Variants in REEP5 observed in about 807,000 individuals in gnomAD.
REEP5 encodes receptor expression-enhancing protein 5.
A neutral mutation model predicts 22.4 loss-of-function variants in REEP5; 24 were observed. The observed-to-expected ratio is 1.07, with a 90% CI of 0.78 to 1.51. The LOEUF (loss-of-function observed/expected upper bound fraction) is 1.51. Among genes scored for constraint, REEP5 ranks in the 40% most tolerant of loss-of-function variants. The pLI, the probability that REEP5 is intolerant of heterozygous loss-of-function variation, is 0.00. For synonymous variants in REEP5, 103 were observed against 88.6 expected (o/e 1.16, Z -0.92); for missense variants, 252 against 233.0 (o/e 1.08, Z -0.53).
chr5:112,877,223 A>ATATC lies in REEP5; in HGVS notation c.*1559_*1562dup, dbSNP rs1222202329. ...AGAGTGATACTGTCACTTAGTATTG[A>ATATC]TATCTTTAATATTTTTTACATCATG... On this transcript the variant is annotated 3_prime_UTR_variant, in exon 5 of 5. Coordinates refer to ENST00000379638, the MANE Select transcript of REEP5 (RefSeq NM_005669.5). 14 of 152,246 alleles carry ATATC rather than the reference A, an allele frequency of 9.2e-5. No individual in the cohort carries two copies. The South Asian group carries it at 2.9e-3, about 32-fold the overall frequency. 9.4% of individuals were successfully genotyped at this position (152,246 alleles called of 1,614,324 possible). A position where few individuals can be genotyped will look rare whatever the true frequency, so the allele number is the denominator to read the frequency against.
At chr5:112,883,817 T>C (rs1400285166) in intron 4 of REEP5, among the ~76,000 whole-genome samples, 3 of 152,128 alleles carry the variant, frequency 2.0e-5, no homozygotes, top group Non-Finnish European at 4.4e-5. Context: ...AAACCTGTTC[T>C]ACCCAGTCTT....
chr5:112,905,402 G>A (rs956565518), intron 2 of REEP5, among the ~76,000 whole-genome samples: 57 of 151,978 alleles, frequency 3.8e-4, no homozygotes, highest in African/African-American at 1.1e-3. Flanking sequence ...TTAGCCGGGC[G>A]TGGTGGCACA....
intron 3 of REEP5, chr5:112,892,542 G>A: frequency 6.2e-7 from 1 of 1,614,210 alleles, no homozygotes; most frequent in Non-Finnish European, 8.5e-7. Context: ...CAGGACGACA[G>A]CTGCAATGTG....
rs776454900 is a variant in REEP5 at position 112,891,806 on chromosome 5, CTT to C, written c.352-4625_352-4624del. The C allele has an allele frequency of 3.1e-6, 5 of 1,601,426 alleles. No homozygotes were observed. In the Admixed American group the frequency reaches 6.7e-5, roughly 21 times the overall value. ...CTCTCACAGGAGGAGGAAGAGGACA[CTT>C]TTATTGAAGAACAACAACTAGAAGA... On this transcript the variant is annotated intron_variant, in intron 3 of 4. Coordinates refer to ENST00000379638, the MANE Select transcript of REEP5 (RefSeq NM_005669.5).
chr5:112,910,601 C>G (rs765700743), intron 2 of REEP5, among the ~76,000 whole-genome samples: 1 of 152,138 alleles, frequency 6.6e-6, no homozygotes. Context: ...ATCTAGATAC[C>G]ATATATATGC....
At chr5:112,914,526 T>C (rs969640377) in intron 2 of REEP5, among the ~76,000 whole-genome samples, 4 of 152,210 alleles carry the variant, frequency 2.6e-5, no homozygotes, top group African/African-American at 9.6e-5. Context: ...GAATGATTGA[T>C]GGTAAAAAAG....
intron 2 of REEP5, among the ~76,000 whole-genome samples, chr5:112,913,416 AAAG>A (rs1221396760): frequency 3.3e-5 from 5 of 151,474 alleles, no homozygotes; most frequent in African/African-American, 9.7e-5. Context: ...AAAGAAAAGA[AAAG>A]AAAAAAGATT....
chr5:112,890,252 T>C (rs1206670618), intron 3 of REEP5, among the ~76,000 whole-genome samples: 1 of 150,320 alleles, frequency 6.7e-6, no homozygotes, highest in East Asian at 2.0e-4. Context: ...ATACCATCAC[T>C]GCAATCCAGG....
chr5:112,912,100 G>C (rs1412964960), intron 2 of REEP5, among the ~76,000 whole-genome samples: 1 of 152,028 alleles, frequency 6.6e-6, no homozygotes. Flanking sequence ...CTAAACGTTT[G>C]ACATATATTA....
In REEP5 at chr5:112,922,177, A is replaced by G. The variant is rs780984444; in HGVS notation, c.14T>C (p.Met5Thr). Reference sequence around the variant, plus strand: ...CAGGAACCGGTCGAACCTCTCCCTCATGGCCGCAGACATGGCGGGGACCGT... The same window carrying G: ...CAGGAACCGGTCGAACCTCTCCCTCGTGGCCGCAGACATGGCGGGGACCGT... MSAAMRERFDRFLHE... is the reference protein window; with the variant it reads MSAATRERFDRFLHE... The change falls in exon 1 of 5, where the codon ATG (methionine) becomes ACG (threonine). Residue 5 changes from methionine to threonine, a missense_variant. By Grantham distance (81) the Met-to-Thr change is moderately conservative (BLOSUM62 -1). Transcript: ENST00000379638. 5.6e-6 allele frequency: 9 copies of G among 1,604,268 alleles called. No homozygotes were observed. The highest frequency in any genetic ancestry group is 7.7e-6 in the Non-Finnish European group (9 of 1,175,384).
intron 2 of REEP5, among the ~76,000 whole-genome samples, chr5:112,920,904 T>G (rs929077523): frequency 6.6e-6 from 1 of 152,234 alleles, no homozygotes; most frequent in African/African-American, 2.4e-5. Context: ...AGCGCTTTCC[T>G]GTTAGTGTGC....
chr5:112,892,550 G>C, intron 3 of REEP5: 1 of 1,614,212 alleles, frequency 6.2e-7, no homozygotes, highest in Non-Finnish European at 8.5e-7. Context: ...CAGCTGCAAT[G>C]TGAATTCTGC....
intron 4 of REEP5, among the ~76,000 whole-genome samples, 199 bp from the exon 5 acceptor site, chr5:112,879,034 C>T (rs1372654902): frequency 6.6e-6 from 1 of 151,940 alleles, no homozygotes; most frequent in African/African-American, 2.4e-5. Flanking sequence ...GAGCACAAAT[C>T]CTAAATACTT....
intron 4 of REEP5, among the ~76,000 whole-genome samples, chr5:112,880,054 C>T (rs954176800): frequency 6.6e-6 from 1 of 152,084 alleles, no homozygotes; most frequent in Non-Finnish European, 1.5e-5. Flanking sequence ...CCACCATTCT[C>T]TCCTATGATG....
At chr5:112,891,483 AAAGT>A in intron 3 of REEP5, 1 of 991,798 alleles carries the variant, frequency 1.0e-6, no homozygotes, top group Non-Finnish European at 1.4e-6. Context: ...AAACAAAATG[AAAGT>A]AATTTGTAAT....
intron 4 of REEP5, chr5:112,885,502 C>G (rs1768216083): frequency 4.8e-6 from 1 of 207,588 alleles, no homozygotes; most frequent in Admixed American, 5.5e-5. Context: ...CCTAACTAGG[C>G]AGATGAGGGT....
In REEP5 at chr5:112,878,821, C is replaced by T. The variant is rs562225362; in HGVS notation, c.535G>A (p.Val179Met). The change falls in exon 5 of 5, where the codon GTG becomes ATG. Residue 179 changes from valine (V) to methionine (M), a missense_variant. Transcript: ENST00000379638. ...TTCTTTTCTTCACCCAGTAAATTCACGGTAGCTTTCTTCGCTGTTTGTTTG... is the reference window on the plus strand; with the variant it reads ...TTCTTTTCTTCACCCAGTAAATTCATGGTAGCTTTCTTCGCTGTTTGTTTG... ...AITKEAKKAT[V>M]NLLGEEKKST 68 of 1,614,036 alleles carry T rather than the reference C, an allele frequency of 4.2e-5. No individual in the cohort carries two copies. In the South Asian group the frequency reaches 6.8e-4, roughly 16 times the overall value.
At chr5:112,908,926 A>G (rs1294789039) in intron 2 of REEP5, among the ~76,000 whole-genome samples, 1 of 148,752 alleles carries the variant, frequency 6.7e-6, no homozygotes, top group African/African-American at 2.5e-5. Flanking sequence ...TTTGTTTTAG[A>G]GCATTAAAAG....
At chr5:112,884,363 T>C (rs967457890) in intron 4 of REEP5, among the ~76,000 whole-genome samples, 1 of 151,982 alleles carries the variant, frequency 6.6e-6, no homozygotes, top group African/African-American at 2.4e-5. Flanking sequence ...TGATTCCCCA[T>C]GGTTCCTTCT....
Sources: allele counts gnomAD v4.1 joint callset (sites outside exome capture counted in the v4.1 genomes callset), GRCh38; gene constraint gnomAD v4.1.1; transcripts MANE v1.5; gene names NCBI Gene and HGNC (gene_info 2026-07-23, HGNC 2026-07-21).